The following IGF1R variants were observed in gnomAD, a reference collection of about 807,000 sequenced individuals.
IGF1R encodes insulin like growth factor 1 receptor.
A neutral mutation model predicts 144.6 loss-of-function variants in IGF1R; 44 were observed. The observed-to-expected ratio is 0.30, with a 90% CI of 0.24 to 0.39. IGF1R has a LOEUF of 0.39. Ranked by LOEUF, IGF1R falls within the 10% of genes least tolerant of loss-of-function variation. IGF1R has a pLI of 1.00. For synonymous variants in IGF1R, 795 were observed against 722.8 expected (o/e 1.10, Z -1.60); for missense variants, 1,355 against 1,833.7 (o/e 0.74, Z 4.77).
intron 2 of IGF1R, among the ~76,000 whole-genome samples, chr15:98,722,221 G>A (rs141726496): frequency 1.1e-4 from 16 of 152,258 alleles, no homozygotes; most frequent in African/African-American, 3.9e-4. Context: ...CAACTTATGC[G>A]GTGTGACGAG....
intron 10 of IGF1R, among the ~76,000 whole-genome samples, chr15:98,920,687 A>G (rs2015446719): frequency 6.6e-6 from 1 of 152,134 alleles, no homozygotes; most frequent in Admixed American, 6.5e-5. Flanking sequence ...TTCCTCCCCC[A>G]GTATTGTGAA....
At chr15:98,717,959 G>A (rs1223246063) in intron 2 of IGF1R, among the ~76,000 whole-genome samples, 1 of 152,126 alleles carries the variant, frequency 6.6e-6, no homozygotes, top group Non-Finnish European at 1.5e-5. Context: ...GTGTGCACAC[G>A]TGCACGTGTG....
intron 2 of IGF1R, among the ~76,000 whole-genome samples, chr15:98,845,536 C>T (rs1009360625): frequency 3.5e-5 from 5 of 141,840 alleles, no homozygotes; most frequent in African/African-American, 1.3e-4. Flanking sequence ...CCCCTCCTTC[C>T]TCCTCCTCCC....
chr15:98,711,271 C>T (rs1334970299), intron 2 of IGF1R, among the ~76,000 whole-genome samples: 1 of 152,190 alleles, frequency 6.6e-6, no homozygotes, highest in African/African-American at 2.4e-5. Context: ...GAATCCCATT[C>T]AGGTAATCTT....
chr15:98,944,686 T>C (rs1012299840), intron 19 of IGF1R, among the ~76,000 whole-genome samples: 1 of 152,206 alleles, frequency 6.6e-6, no homozygotes, highest in African/African-American at 2.4e-5. Context: ...CCCCAGAATT[T>C]TAGGATTTGG....
In IGF1R at chr15:98,963,633, TTAC is replaced by T; in HGVS notation, c.*6192_*6194del. ...GCACAGCCAATGGTTTTCATGATGATTACAGCATACACAGTGATCACATAAACG... is the reference window on the plus strand; with the variant it reads ...GCACAGCCAATGGTTTTCATGATGATAGCATACACAGTGATCACATAAACG... On this transcript the variant is annotated 3_prime_UTR_variant, in exon 21 of 21. Coordinates refer to ENST00000650285, the MANE Select transcript of IGF1R (RefSeq NM_000875.5). 4.3e-6 allele frequency: 1 copy of T among 233,264 alleles called. No homozygotes were observed. Among genetic ancestry groups the T allele is most frequent in the Non-Finnish European group, 8.5e-6 (1 of 118,056 alleles). 14.4% of individuals were successfully genotyped at this position (233,264 alleles called of 1,614,324 possible).
intron 2 of IGF1R, among the ~76,000 whole-genome samples, chr15:98,760,240 A>T (rs2055259727): frequency 6.6e-6 from 1 of 152,006 alleles, no homozygotes. Flanking sequence ...AATCCCAGCC[A>T]CTTGGGAGGC....
At chr15:98,813,191 C>G (rs1423574803) in intron 2 of IGF1R, among the ~76,000 whole-genome samples, 1 of 152,102 alleles carries the variant, frequency 6.6e-6, no homozygotes, top group Non-Finnish European at 1.5e-5. Flanking sequence ...AGAGACCAGC[C>G]CCCCTAGGGT....
At position 98,916,863 on chromosome 15, in the gene IGF1R, A is replaced by G. The variant is rs1490892165; in HGVS notation, c.2188A>G (p.Ile730Val). Residue 730 changes from isoleucine to valine, a missense_variant, in exon 10 of 21, where the codon ATC becomes GTC. Ile to Val is a conservative substitution (Grantham distance 29). Around this residue, in one of 7 missense-constraint regions of IGF1R, gnomAD observed 880 missense variants for 1,202.7 expected, o/e 0.73. Transcript: ENST00000650285. ...KVFENFLHNS[I>V]FVPRPERKRR... ...CTTTGAGAATTTCCTGCACAACTCC[A>G]TCTTCGTGCCCAGGTACCCAGCTCA... 2 of 1,613,980 alleles carry G rather than the reference A, an allele frequency of 1.2e-6. No individual in the cohort carries two copies. Among genetic ancestry groups the G allele is most frequent in the East Asian group, 2.2e-5 (1 of 44,878 alleles).
chr15:98,829,820 T>A (rs2056968489), intron 2 of IGF1R, among the ~76,000 whole-genome samples: 2 of 152,226 alleles, frequency 1.3e-5, no homozygotes, highest in African/African-American at 4.8e-5. Context: ...TGGACTAGAA[T>A]TGACCACTGC....
chr15:98,679,534 A>G (rs1042145242), intron 1 of IGF1R, among the ~76,000 whole-genome samples: 6 of 152,042 alleles, frequency 3.9e-5, no homozygotes, highest in Admixed American at 1.3e-4. Context: ...GTTGTAGTGC[A>G]AGGCACTGCT....
chr15:98,824,845 T>C (rs78065318), intron 2 of IGF1R, among the ~76,000 whole-genome samples: 2 of 145,904 alleles, frequency 1.4e-5, no homozygotes, highest in African/African-American at 2.8e-5. Context: ...TCTTCTTCTT[T>C]TTTTTTTTTG....
At chr15:98,855,183 T>A (rs2011736074) in intron 2 of IGF1R, among the ~76,000 whole-genome samples, 1 of 152,198 alleles carries the variant, frequency 6.6e-6, no homozygotes. Flanking sequence ...TGGGGAGCTT[T>A]CTCTGTGTCC....
chr15:98,957,946 A>G lies in IGF1R; in HGVS notation c.*504A>G, dbSNP rs947860110. ...CGTGGAGATGGAAATTTTTACCTTT[A>G]TCTTTCACCTTTCTAGGGACATGAA... On this transcript the variant is annotated 3_prime_UTR_variant, in exon 21 of 21. Coordinates refer to ENST00000650285, the MANE Select transcript of IGF1R (RefSeq NM_000875.5). 2.5e-5 allele frequency: 6 copies of G among 238,396 alleles called. No individual in the cohort carries two copies. The highest frequency in any genetic ancestry group is 4.9e-5 in the Non-Finnish European group (6 of 121,214). 14.8% of individuals were successfully genotyped at this position (238,396 alleles called of 1,614,324 possible). A position where few individuals can be genotyped will look rare whatever the true frequency, so the allele number is the denominator to read the frequency against.
Position 98,856,270 on chromosome 15 carries a change from T to G in IGF1R, c.641-35055T>G, listed in dbSNP as rs182991516. Reference sequence around the variant, plus strand: ...CGAGGACAATCGTAGCCTTCCTGATTAAAGCAGGAATTGTCCAATCAGGCT... The same window carrying G: ...CGAGGACAATCGTAGCCTTCCTGATGAAAGCAGGAATTGTCCAATCAGGCT... On this transcript the variant is annotated intron_variant, in intron 2 of 20. Coordinates refer to ENST00000650285, the MANE Select transcript of IGF1R (RefSeq NM_000875.5). Among the ~76,000 whole-genome samples, 213 of 152,328 alleles carry G rather than the reference T, an allele frequency of 1.4e-3. 1 individual carries two copies. In the Middle Eastern group the frequency reaches 0.017, roughly 12 times the overall value.
intron 2 of IGF1R, among the ~76,000 whole-genome samples, chr15:98,870,606 A>ATGTGTG (rs971178655): frequency 6.6e-6 from 1 of 152,020 alleles, no homozygotes; most frequent in Non-Finnish European, 1.5e-5. Flanking sequence ...AAAGATGTGC[A>ATGTGTG]TGTGTGTGTG....
chr15:98,933,590 G>T (rs2016026560), intron 15 of IGF1R, among the ~76,000 whole-genome samples: 7 of 152,142 alleles, frequency 4.6e-5, no homozygotes, highest in Admixed American at 4.6e-4. Context: ...TCCCAACTTG[G>T]CCTACGATTA....
chr15:98,867,703 TA>T (rs2012531164), intron 2 of IGF1R, among the ~76,000 whole-genome samples: 1 of 152,222 alleles, frequency 6.6e-6, no homozygotes, highest in Non-Finnish European at 1.5e-5. Flanking sequence ...GACCAAGTGT[TA>T]AATGAACAAA....
intron 2 of IGF1R, among the ~76,000 whole-genome samples, chr15:98,828,429 G>C (rs2056937109): frequency 6.6e-6 from 1 of 152,154 alleles, no homozygotes; most frequent in African/African-American, 2.4e-5. Flanking sequence ...GCACAGAGAG[G>C]TAGGGCAAGA....
Sources: allele counts gnomAD v4.1 joint callset (sites outside exome capture counted in the v4.1 genomes callset), GRCh38; gene constraint gnomAD v4.1.1; regional missense constraint gnomAD v4.1.1; transcripts MANE v1.5; gene names NCBI Gene and HGNC (gene_info 2026-07-23, HGNC 2026-07-21).